DNAH6: variants seen among roughly 807,000 people sequenced by gnomAD.
DNAH6 encodes axonemal beta dynein heavy chain 6.
DNAH6 carries 340 observed loss-of-function variants against 491.4 expected under a neutral mutation model. The observed-to-expected ratio is 0.69, with a 90% CI of 0.63 to 0.76. DNAH6 has a LOEUF of 0.76. Ranked by LOEUF, DNAH6 falls within the 30% of genes least tolerant of loss-of-function variation. The pLI is 0.00. For missense variants in DNAH6, 4,443 were observed against 4,972.2 expected (o/e 0.89, Z 3.20); for synonymous variants, 1,603 against 1,686.1 (o/e 0.95, Z 1.21).
At position 84,640,688 on chromosome 2, in the gene DNAH6, T is replaced by A; in HGVS notation, c.4970+110T>A. ...GAGTAACTGATTAATAAATGTTGGC[T>A]GCTGCTGTTGTCATCATTCTTACCT... On this transcript the variant is annotated intron_variant, in intron 32 of 76. Coordinates refer to ENST00000389394, the MANE Select transcript of DNAH6 (RefSeq NM_001370.2). 6 of 1,064,910 alleles carry A rather than the reference T, an allele frequency of 5.6e-6. No homozygotes were observed. In the South Asian group the frequency reaches 8.6e-5, roughly 15 times the overall value. The allele number at this position is 1,064,910 out of a possible 1,614,324, so 66.0% of individuals were successfully genotyped here.
chr2:84,587,732 C>T (rs1259126142), intron 15 of DNAH6, among the ~76,000 whole-genome samples: 2 of 152,244 alleles, frequency 1.3e-5, no homozygotes, highest in East Asian at 1.9e-4. Context: ...TCCTATTGGG[C>T]GTTTTTTCAC....
intron 64 of DNAH6, 56 bp downstream of exon 64, chr2:84,763,001 T>C (rs1674735945): frequency 7.1e-7 from 1 of 1,400,960 alleles, no homozygotes; most frequent in Admixed American, 2.1e-5. Context: ...ATCTCTTTGT[T>C]AAAATTTGCC....
intron 35 of DNAH6, among the ~76,000 whole-genome samples, chr2:84,655,034 T>G (rs1177218453): frequency 6.6e-6 from 1 of 152,008 alleles, no homozygotes; most frequent in Non-Finnish European, 1.5e-5. Flanking sequence ...TCTGCCTGGC[T>G]TCTCCCCAGA....
chr2:84,662,749 G>A (rs1002378089), intron 37 of DNAH6, among the ~76,000 whole-genome samples: 1 of 152,192 alleles, frequency 6.6e-6, no homozygotes, highest in Non-Finnish European at 1.5e-5. Context: ...GCTTTGAAGA[G>A]AGTAGTGGTT....
At chr2:84,608,095 TA>T (rs1355165725) in intron 21 of DNAH6, among the ~76,000 whole-genome samples, 15 of 152,208 alleles carry the variant, frequency 9.9e-5, no homozygotes, top group African/African-American at 3.1e-4. Flanking sequence ...TGCTCATCCA[TA>T]AGAAGCAAGT....
intron 2 of DNAH6, among the ~76,000 whole-genome samples, chr2:84,521,680 CT>C (rs1391539828): frequency 6.6e-6 from 1 of 151,966 alleles, no homozygotes; most frequent in East Asian, 1.9e-4. Context: ...CATTTTTAAT[CT>C]TCTGCATATG....
intron 4 of DNAH6, among the ~76,000 whole-genome samples, chr2:84,537,175 T>G (rs1281124870): frequency 2.6e-5 from 4 of 152,000 alleles, no homozygotes; most frequent in Non-Finnish European, 4.4e-5. Context: ...CTAAAAAACG[T>G]AAAATATTGT....
At chr2:84,809,470 A>G (rs1679753207) in intron 72 of DNAH6, among the ~76,000 whole-genome samples, 1 of 152,150 alleles carries the variant, frequency 6.6e-6, no homozygotes, top group African/African-American at 2.4e-5. Flanking sequence ...GGACTATGGC[A>G]TCTAGTCAGG....
At chr2:84,686,689 A>G (rs1694291844) in intron 44 of DNAH6, 132 bp downstream of exon 44, 8 of 576,388 alleles carry the variant, frequency 1.4e-5, no homozygotes, top group African/African-American at 3.8e-5. Context: ...TCAGCAAACT[A>G]TGGCCCATGA....
chr2:84,532,684 G>C (rs953776598), intron 4 of DNAH6, among the ~76,000 whole-genome samples: 1 of 151,998 alleles, frequency 6.6e-6, no homozygotes, highest in African/African-American at 2.4e-5. Context: ...GAAAAAATAC[G>C]TGAGCAAAAT....
chr2:84,519,943 A>T (rs1675987615), intron 2 of DNAH6, among the ~76,000 whole-genome samples: 1 of 152,052 alleles, frequency 6.6e-6, no homozygotes, highest in African/African-American at 2.4e-5. Context: ...TTACAAATAA[A>T]TACAATACTC....
rs1381003060 is a variant in DNAH6, at chr2:84,611,703, G to T, written c.3324G>T (p.Trp1108Cys). The change falls in exon 22 of 77, where the codon TGG (tryptophan) becomes TGT (cysteine). Residue 1108 changes from tryptophan to cysteine, a missense_variant. Physicochemically the swap from Trp to Cys is radical, Grantham distance 215. Around this residue, in one of 3 missense-constraint regions of DNAH6, gnomAD observed 2,977 missense variants for 3,296.6 expected, o/e 0.90. Transcript: ENST00000389394. ...LEEWLTCQRN[W>C]LYLESIFNAP... ...AGTGGCTGACCTGCCAGAGAAACTG[G>T]CTCTACCTAGAAAGTATTTTCAATG... is the stretch of plus-strand genomic sequence containing the variant. 24 of 1,550,714 alleles carry T rather than the reference G, an allele frequency of 1.5e-5. No individual in the cohort carries two copies. Among genetic ancestry groups the T allele is most frequent in the Non-Finnish European group, 1.9e-5 (22 of 1,146,484 alleles).
chr2:84,683,167 C>T (rs1391232649), intron 42 of DNAH6, among the ~76,000 whole-genome samples: 1 of 152,176 alleles, frequency 6.6e-6, no homozygotes, highest in Admixed American at 6.6e-5. Context: ...GCACATATTT[C>T]TCTGCATATA....
chr2:84,548,240 G>A (rs1248805794), intron 7 of DNAH6, 48 bp from the exon 8 acceptor site: 3 of 1,535,168 alleles, frequency 2.0e-6, no homozygotes, highest in African/African-American at 1.4e-5. Flanking sequence ...GAAAGAGATG[G>A]AACTTTTACA....
chr2:84,473,836 CTGTT>C, the DNAH6 span, among the ~76,000 whole-genome samples: 1 of 152,186 alleles, frequency 6.6e-6, no homozygotes, highest in African/African-American at 2.4e-5. Context: ...CCTTTTCTAA[CTGTT>C]TGTAGCACAA....
At chr2:84,663,700 C>A (rs1448825017) in intron 37 of DNAH6, among the ~76,000 whole-genome samples, 1 of 152,112 alleles carries the variant, frequency 6.6e-6, no homozygotes, top group African/African-American at 2.4e-5. Flanking sequence ...AGAACTTCCC[C>A]AACCTAGCAA....
intron 49 of DNAH6, 59 bp downstream of exon 49, chr2:84,701,398 T>A: frequency 6.6e-7 from 1 of 1,511,020 alleles, no homozygotes. Flanking sequence ...CTTTTGAGAA[T>A]GCATGGAAAC....
rs775144755 is a variant in DNAH6 at position 84,797,565 on chromosome 2, C to T, written c.11388C>T (p.Ser3796=). The T allele has an allele frequency of 1.9e-6, 3 of 1,551,592 alleles. No homozygotes were observed. The African/African-American group carries it at 4.1e-5, about 21-fold the overall frequency. ...TCTATTTTGCACCCATGGCTGACAGCCTACAAGAGTTTAAGGACTACATTG... is the reference window on the plus strand; with the variant it reads ...TCTATTTTGCACCCATGGCTGACAGTCTACAAGAGTTTAAGGACTACATTG... The part of the protein sequence containing the change: ...SGIYFAPMAD[S]LQEFKDYIEN... The change falls in exon 70 of 77, where the codon AGC becomes AGT. Residue 3796 remains serine, a synonymous_variant. Coordinates refer to ENST00000389394, the MANE Select transcript of DNAH6 (RefSeq NM_001370.2).
At chr2:84,560,091 A>C (rs760858274) in intron 11 of DNAH6, among the ~76,000 whole-genome samples, 4 of 152,218 alleles carry the variant, frequency 2.6e-5, no homozygotes, top group Non-Finnish European at 4.4e-5. Flanking sequence ...TGTCTGTAAG[A>C]GAAAATCAAA....
Sources: allele counts gnomAD v4.1 joint callset (sites outside exome capture counted in the v4.1 genomes callset), GRCh38; gene constraint gnomAD v4.1.1; regional missense constraint gnomAD v4.1.1; transcripts MANE v1.5; gene names NCBI Gene and HGNC (gene_info 2026-07-23, HGNC 2026-07-21).